Variants in MAP3K5 observed in about 807,000 individuals in gnomAD.
MAP3K5 encodes mitogen-activated protein kinase kinase kinase 5, also known as ASK-1.
MAP3K5 carries 56 observed loss-of-function variants against 158.7 expected under a neutral mutation model. The ratio of observed to expected loss-of-function variants is 0.35; its 90% CI spans 0.28 to 0.44. The LOEUF (loss-of-function observed/expected upper bound fraction) is 0.44. Among genes scored for constraint, MAP3K5 ranks in the 20% least tolerant of loss-of-function variants. The probability of loss-of-function intolerance (pLI) is 1.00; values close to 1 mark genes in which losing one functional copy is unlikely to be tolerated. For missense variants in MAP3K5, 1,294 were observed against 1,674.8 expected (o/e 0.77, Z 3.97); for synonymous variants, 579 against 601.7 (o/e 0.96, Z 0.55).
chr6:136,789,111 C>T (rs1472578694), intron 1 of MAP3K5, among the ~76,000 whole-genome samples: 1 of 152,086 alleles, frequency 6.6e-6, no homozygotes, highest in African/African-American at 2.4e-5. Context: ...GTCTGGGCAA[C>T]ATAGCAAGAC....
At chr6:136,603,364 G>C (rs1454445726) in intron 19 of MAP3K5, among the ~76,000 whole-genome samples, 2 of 148,452 alleles carry the variant, frequency 1.3e-5, no homozygotes, top group African/African-American at 2.5e-5. Context: ...TTTTAGTAGA[G>C]ATGAGGTTTC....
intron 1 of MAP3K5, among the ~76,000 whole-genome samples, chr6:136,752,638 G>A (rs531125913): frequency 3.3e-5 from 5 of 152,230 alleles, no homozygotes; most frequent in East Asian, 3.9e-4. Flanking sequence ...TCTCAAACCC[G>A]TGACCTCAGG....
At chr6:136,658,855 G>A (rs1024253918) in intron 9 of MAP3K5, among the ~76,000 whole-genome samples, 2 of 152,240 alleles carry the variant, frequency 1.3e-5, no homozygotes, top group African/African-American at 4.8e-5. Flanking sequence ...AAGGGCATAT[G>A]TTTGGAGTAG....
rs1275349549 is a variant in MAP3K5 at position 136,720,597 on chromosome 6, C to T, written c.449-8G>A. On this transcript the variant is annotated splice_polypyrimidine_tract_variant and splice_region_variant and intron_variant, in intron 1 of 29. Coordinates refer to ENST00000359015, the MANE Select transcript of MAP3K5 (RefSeq NM_005923.4). Reference sequence around the variant, plus strand: ...TCTCCACCACCGCAATATCTGCAAACAGAAAACAAAGTCCCCCAAAGAATG... The same window carrying T: ...TCTCCACCACCGCAATATCTGCAAATAGAAAACAAAGTCCCCCAAAGAATG... The T allele has an allele frequency of 2.5e-6, 4 of 1,602,166 alleles. No individual in the cohort carries two copies. In the Admixed American group the frequency reaches 7.0e-5, roughly 28 times the overall value.
chr6:136,573,840 C>G (rs1234510351), intron 25 of MAP3K5, among the ~76,000 whole-genome samples: 1 of 152,074 alleles, frequency 6.6e-6, no homozygotes, highest in Non-Finnish European at 1.5e-5. Context: ...TCCAAACCAG[C>G]AAGATGGGAT....
intron 1 of MAP3K5, among the ~76,000 whole-genome samples, chr6:136,789,978 C>A (rs1785003810): frequency 6.6e-6 from 1 of 152,114 alleles, no homozygotes; most frequent in Non-Finnish European, 1.5e-5. Context: ...AGGCGTGAGC[C>A]ACCACGCCTG....
At chr6:136,749,699 T>A (rs887580834) in intron 1 of MAP3K5, among the ~76,000 whole-genome samples, 1 of 152,066 alleles carries the variant, frequency 6.6e-6, no homozygotes, top group Non-Finnish European at 1.5e-5. Context: ...TCTTGTCCAA[T>A]AGAATGTGAA....
At chr6:136,583,425 T>C in intron 24 of MAP3K5, 130 bp downstream of exon 24, 1 of 837,094 alleles carries the variant, frequency 1.2e-6, no homozygotes, top group Non-Finnish European at 1.8e-6. Flanking sequence ...GGCGAATATC[T>C]CACATTTTTC....
chr6:136,606,278 G>A (rs1043791584), intron 18 of MAP3K5, among the ~76,000 whole-genome samples: 1 of 152,186 alleles, frequency 6.6e-6, no homozygotes, highest in Admixed American at 6.5e-5. Flanking sequence ...TTGAACCCAG[G>A]AGGCGGAGGT....
At chr6:136,623,454 A>C (rs1045529122) in intron 14 of MAP3K5, among the ~76,000 whole-genome samples, 6 of 152,230 alleles carry the variant, frequency 3.9e-5, no homozygotes, top group African/African-American at 1.4e-4. Context: ...ACATCTTACC[A>C]GGTGCCAATG....
intron 9 of MAP3K5, among the ~76,000 whole-genome samples, chr6:136,658,247 G>A (rs1340194630): frequency 6.6e-6 from 1 of 150,740 alleles, no homozygotes; most frequent in Admixed American, 6.6e-5. Flanking sequence ...TATAGCTAAT[G>A]GTTAATCGCT....
chr6:136,716,792 G>T (rs1002752507), intron 2 of MAP3K5, among the ~76,000 whole-genome samples: 3 of 152,112 alleles, frequency 2.0e-5, no homozygotes, highest in Non-Finnish European at 4.4e-5. Context: ...ACATTAGTAG[G>T]CACGAGAGAA....
At chr6:136,633,271 C>T (rs1777459826) in intron 14 of MAP3K5, among the ~76,000 whole-genome samples, 1 of 151,844 alleles carries the variant, frequency 6.6e-6, no homozygotes, top group South Asian at 2.1e-4. Context: ...TGATGGTGGG[C>T]GTCTGTAATC....
intron 7 of MAP3K5, among the ~76,000 whole-genome samples, chr6:136,672,218 T>C (rs1045462748): frequency 7.9e-5 from 12 of 152,200 alleles, no homozygotes; most frequent in African/African-American, 2.9e-4. Context: ...GAGCCATTAC[T>C]TCTGCTTCAG....
chr6:136,766,463 G>C (rs1239969573), intron 1 of MAP3K5, among the ~76,000 whole-genome samples: 1 of 152,164 alleles, frequency 6.6e-6, no homozygotes, highest in African/African-American at 2.4e-5. Context: ...TGAATAGAAG[G>C]GTAGGTTATC....
intron 25 of MAP3K5, among the ~76,000 whole-genome samples, chr6:136,573,931 T>C (rs1002336248): frequency 2.1e-5 from 3 of 142,356 alleles, no homozygotes; most frequent in Non-Finnish European, 3.0e-5. Context: ...TTTTCTTTTC[T>C]TTCTTTTTTT....
chr6:136,771,446 T>C lies in MAP3K5; in HGVS notation c.448+20264A>G, dbSNP rs116849663. ...AAATGACATGCCCACCAGTGTGCCA[T>C]GTCAATTTACTGTTGCCATAGCAAT... On this transcript the variant is annotated intron_variant, in intron 1 of 29. Coordinates refer to ENST00000359015, the MANE Select transcript of MAP3K5 (RefSeq NM_005923.4). Among the ~76,000 whole-genome samples, 605 of 152,232 alleles carry C rather than the reference T, an allele frequency of 4.0e-3. 15 individuals carry two copies. In the South Asian group the frequency reaches 0.056, roughly 14 times the overall value.
At chr6:136,567,458 A>C (rs1774169727) in intron 26 of MAP3K5, among the ~76,000 whole-genome samples, 173 bp downstream of exon 26, 1 of 152,244 alleles carries the variant, frequency 6.6e-6, no homozygotes, top group Non-Finnish European at 1.5e-5. Flanking sequence ...GTAGAGGCAG[A>C]AAGTGGTATT....
intron 9 of MAP3K5, among the ~76,000 whole-genome samples, chr6:136,658,604 G>A (rs141363502): frequency 1.3e-5 from 2 of 152,034 alleles, no homozygotes; most frequent in Non-Finnish European, 2.9e-5. Flanking sequence ...GTGAGCCACC[G>A]TGCGCCCGGC....
Sources: allele counts gnomAD v4.1 joint callset (sites outside exome capture counted in the v4.1 genomes callset), GRCh38; gene constraint gnomAD v4.1.1; transcripts MANE v1.5; gene names NCBI Gene and HGNC (gene_info 2026-07-23, HGNC 2026-07-21).